Variants in SCRN1 observed in about 807,000 individuals in gnomAD.
SCRN1 encodes secernin 1.
In SCRN1, 19 loss-of-function variants were observed where a neutral mutation model predicts 43.3. The observed-to-expected ratio is 0.44, with a 90% CI of 0.31 to 0.64. The LOEUF (loss-of-function observed/expected upper bound fraction) is 0.64, where lower values mean the gene tolerates loss of function less well. Among genes scored for constraint, SCRN1 ranks in the 30% least tolerant of loss-of-function variants. The probability of loss-of-function intolerance (pLI) is 0.09; values close to 1 mark genes in which losing one functional copy is unlikely to be tolerated. For missense variants in SCRN1, 447 were observed against 524.1 expected, an observed-to-expected ratio of 0.85 and a Z score of 1.44; for synonymous variants, 183 against 188.9, an observed-to-expected ratio of 0.97 and a Z score of 0.26.
rs1788100184 is a variant in SCRN1, at chr7:29,955,357, T to C, written c.163A>G (p.Thr55Ala). 1 of 1,612,428 alleles carries C rather than the reference T, an allele frequency of 6.2e-7. No homozygotes were observed. The highest frequency in any genetic ancestry group is 1.3e-5 in the African/African-American group (1 of 74,774). ...GGAACTTGGTCGATTGAAATGTAAG[T>C]GCACTGAAAAACAAACACAGGAAAG... ...DHEPESKVEC[T>A]YISIDQVPRT... is the part of the protein sequence containing the mutation. Residue 55 changes from threonine to alanine, a missense_variant, in exon 3 of 8, where the codon ACT becomes GCT. By Grantham distance (58) the Thr-to-Ala change is moderately conservative (BLOSUM62 0). Coordinates refer to ENST00000242059, the MANE Select transcript of SCRN1 (RefSeq NM_014766.5).
At chr7:29,981,779 A>G (rs944758064) in intron 1 of SCRN1, among the ~76,000 whole-genome samples, 3 of 152,234 alleles carry the variant, frequency 2.0e-5, no homozygotes, top group African/African-American at 7.2e-5. Context: ...CTTCTTGGAC[A>G]TAAAGAACCT....
intron 1 of SCRN1, among the ~76,000 whole-genome samples, chr7:29,982,623 C>T (rs2127932509): frequency 6.7e-6 from 1 of 149,064 alleles, no homozygotes; most frequent in Admixed American, 6.7e-5. Context: ...GTCAAGGCTC[C>T]AGTGACCCAT....
At chr7:29,979,855 G>T (rs1788945538) in intron 1 of SCRN1, among the ~76,000 whole-genome samples, 1 of 152,194 alleles carries the variant, frequency 6.6e-6, no homozygotes, top group Non-Finnish European at 1.5e-5. Context: ...AATATAGTCA[G>T]ATCAAGTTCA....
chr7:29,965,660 C>G lies in SCRN1; in HGVS notation c.159+3249G>C, dbSNP rs948858858. Among the ~76,000 whole-genome samples the G allele has an allele frequency of 1.3e-5, 2 of 152,166 alleles. No individual in the cohort carries two copies. The highest frequency in any genetic ancestry group is 6.5e-5 in the Admixed American group (1 of 15,288). On this transcript the variant is annotated intron_variant, in intron 2 of 7. Coordinates refer to ENST00000242059, the MANE Select transcript of SCRN1 (RefSeq NM_014766.5). The surrounding 1 kb of genome is among the most constrained non-coding windows in gnomAD (Gnocchi z 4.2). ...GAACGCAAAGAGGCAGCTCAAAACA[C>G]AGGTATGGAACTCAGAAGAGAGGTC... is the stretch of plus-strand genomic sequence containing the variant.
chr7:29,949,098 G>A (rs536709103), intron 3 of SCRN1, among the ~76,000 whole-genome samples: 6 of 151,938 alleles, frequency 3.9e-5, no homozygotes, highest in South Asian at 2.1e-4. Context: ...GGCGGATCAC[G>A]AGGTCAGGAG....
In SCRN1 at chr7:29,946,818, A is replaced by G. The variant is rs927442391; in HGVS notation, c.342-2639T>C. ...GACAGGGCCAACTGCTCCATAGTAC[A>G]TGGGCCGTGAATAACACCAGGGTTA... On this transcript the variant is annotated intron_variant, in intron 3 of 7. Transcript: ENST00000242059. Among the ~76,000 whole-genome samples, 7 of 152,230 alleles carry G rather than the reference A, an allele frequency of 4.6e-5. No homozygotes were observed. In the East Asian group the frequency reaches 9.6e-4, roughly 21 times the overall value.
chr7:29,947,288 TC>T, intron 3 of SCRN1: 1 of 1,550,802 alleles, frequency 6.4e-7, no homozygotes, highest in Non-Finnish European at 8.7e-7. Flanking sequence ...TATGTCAAGC[TC>T]ACCCTGCCCG....
At chr7:29,953,506 A>G (rs1035953421) in intron 3 of SCRN1, among the ~76,000 whole-genome samples, 2 of 152,210 alleles carry the variant, frequency 1.3e-5, no homozygotes, top group African/African-American at 4.8e-5. Context: ...ACAGTAAAAA[A>G]TACTGGAGAG....
chr7:29,925,773 C>CAGAA (rs1278470358), intron 7 of SCRN1, among the ~76,000 whole-genome samples: 2 of 146,198 alleles, frequency 1.4e-5, no homozygotes, highest in African/African-American at 2.6e-5. Flanking sequence ...CTTTGGGAGG[C>CAGAA]AGAAGCAGGT....
At position 29,940,816 on chromosome 7, in the gene SCRN1, G is replaced by A. The variant is rs375395964; in HGVS notation, c.605C>T (p.Pro202Leu). 20 of 1,602,996 alleles carry A rather than the reference G, an allele frequency of 1.2e-5. No individual in the cohort carries two copies. The highest frequency in any genetic ancestry group is 9.4e-5 in the African/African-American group (7 of 74,162). Reference protein sequence around the residue: ...SLTTKMDAEHPELRSYAQSQG... With the variant: ...SLTTKMDAEHLELRSYAQSQG... ...GCTCTGAGCGTAACTCCTGAGTTCC[G>A]GATGCTCTGCATCCATCTTAGTGGT... is the stretch of plus-strand genomic sequence containing the variant. The change falls in exon 5 of 8, where the codon CCG (proline) becomes CTG (leucine). Residue 202 changes from proline to leucine, a missense_variant. Physicochemically the swap from Pro to Leu is moderately conservative, Grantham distance 98 (BLOSUM62 -3). Coordinates refer to ENST00000242059, the MANE Select transcript of SCRN1 (RefSeq NM_014766.5).
intron 1 of SCRN1, among the ~76,000 whole-genome samples, chr7:29,985,142 C>T (rs1432632680): frequency 7.0e-6 from 1 of 143,644 alleles, no homozygotes; most frequent in Non-Finnish European, 1.5e-5. Flanking sequence ...CGCGGTGGCT[C>T]ACACCTGTAA....
At chr7:29,955,402 G>T in intron 2 of SCRN1, 42 bp from the exon 3 acceptor site, 1 of 1,579,024 alleles carries the variant, frequency 6.3e-7, no homozygotes, top group Non-Finnish European at 8.7e-7. Context: ...TCACCTGTCA[G>T]GTACCACCTC....
At chr7:29,960,275 A>G (rs1178652526) in intron 2 of SCRN1, among the ~76,000 whole-genome samples, 1 of 152,240 alleles carries the variant, frequency 6.6e-6, no homozygotes, top group Non-Finnish European at 1.5e-5. Flanking sequence ...TTTCAATGAT[A>G]AAGAAAGGGG....
At position 29,926,457 on chromosome 7, in the gene SCRN1, C is replaced by A; in HGVS notation, c.1081G>T (p.Asp361Tyr). The stretch of plus-strand genomic sequence containing the variant: ...TGGCCCTCATGCAAGCTCACCTGGT[C>A]ACTTTCGATGATGGCACGTGCCCAC... ...HEWARAIIES[D>Y]QEQGRKLRST... The change falls in exon 7 of 8, where the codon GAC becomes TAC. Residue 361 changes from aspartate (D) to tyrosine (Y), a missense_variant. By Grantham distance (160) the Asp-to-Tyr change is radical. Transcript: ENST00000242059. The A allele has an allele frequency of 6.2e-7, 1 of 1,611,702 alleles. No individual in the cohort carries two copies. The highest frequency in any genetic ancestry group is 1.1e-5 in the South Asian group (1 of 90,950).
At chr7:29,945,354 C>T (rs1374353520) in intron 3 of SCRN1, among the ~76,000 whole-genome samples, 2 of 152,166 alleles carry the variant, frequency 1.3e-5, no homozygotes, top group African/African-American at 2.4e-5. Context: ...GTGCTATTCT[C>T]GTGATAGTGA....
chr7:29,948,225 G>A (rs1787799296), intron 3 of SCRN1, among the ~76,000 whole-genome samples: 1 of 152,180 alleles, frequency 6.6e-6, no homozygotes, highest in African/African-American at 2.4e-5. Context: ...AGCAGGCCCT[G>A]GGATCCCTGG....
intron 2 of SCRN1, among the ~76,000 whole-genome samples, chr7:29,958,102 G>A (rs575497951): frequency 1.2e-3 from 177 of 152,298 alleles, no homozygotes; most frequent in African/African-American, 4.2e-3. Flanking sequence ...CAGACCGAAA[G>A]CCAGGCAGCC....
rs115764605 is a variant in SCRN1, at chr7:29,937,867, G to A, written c.740-1146C>T. ...TTGTTGGCACATTCACATCCTCTTT[G>A]TAAATCTCTACTTACATGTCATACC... On this transcript the variant is annotated intron_variant, in intron 5 of 7. Transcript: ENST00000242059. 3.4e-3 allele frequency among the ~76,000 whole-genome samples: 523 copies of A among 152,276 alleles called. 6 individuals carry two copies. The highest frequency in any genetic ancestry group is 0.012 in the African/African-American group (500 of 41,558).
intron 6 of SCRN1, among the ~76,000 whole-genome samples, chr7:29,932,747 G>A (rs564121561): frequency 1.3e-5 from 2 of 151,770 alleles, no homozygotes; most frequent in East Asian, 3.9e-4. Context: ...AGGAGGTGGG[G>A]TAGAGGGGAA....
Sources: gnomAD v4.1 joint callset for allele counts (sites outside exome capture counted in the v4.1 genomes callset) on GRCh38, gnomAD v4.1.1 for gene constraint, Gnocchi (gnomAD v3.1) non-coding constraint, MANE v1.5 for transcripts, NCBI Gene and HGNC (gene_info 2026-07-23, HGNC 2026-07-21) for gene names.